The following KCNQ5 variants were observed in gnomAD, a reference collection of about 807,000 sequenced individuals.
The protein encoded by KCNQ5 is potassium voltage-gated channel subfamily Q member 5.
In KCNQ5, 30 loss-of-function variants were observed where a neutral mutation model predicts 98.2. The observed-to-expected ratio is 0.31, with a 90% CI of 0.23 to 0.41. The LOEUF is 0.41. Ranked by LOEUF, KCNQ5 falls within the 10% of genes least tolerant of loss-of-function variation. The pLI is 1.00. For missense variants in KCNQ5, 835 were observed against 1,182.5 expected, an observed-to-expected ratio of 0.71 and a Z score of 4.31; for synonymous variants, 458 against 449.4, an observed-to-expected ratio of 1.02 and a Z score of -0.24.
chr6:72,854,577 G>A (rs1009174822), intron 1 of KCNQ5, among the ~76,000 whole-genome samples: 2 of 151,730 alleles, frequency 1.3e-5, no homozygotes, highest in African/African-American at 4.8e-5. Context: ...ATAAGTGTGA[G>A]GATATGTTAA....
chr6:72,671,488 T>C (rs1019634686), intron 1 of KCNQ5, among the ~76,000 whole-genome samples: 2 of 152,238 alleles, frequency 1.3e-5, no homozygotes, highest in African/African-American at 4.8e-5. Context: ...TGGTTTTTAC[T>C]TGAGTCTTGT....
rs9442857 is a variant in KCNQ5 at position 72,824,620 on chromosome 6, A to G, written c.399-179288A>G. 9.7e-3 allele frequency among the ~76,000 whole-genome samples: 1,484 copies of G among 152,216 alleles called. 25 individuals are homozygous for G. Among genetic ancestry groups the G allele is most frequent in the African/African-American group, 0.032 (1,317 of 41,528 alleles). On this transcript the variant is annotated intron_variant, in intron 1 of 13. Transcript: ENST00000370398. ...GTCATGTACTTTGCAGCCTAATGAT[A>G]AGGAGAAAAATAACCTCAGAAGAGT... is the stretch of plus-strand genomic sequence containing the variant.
At chr6:73,125,943 A>G (rs576175546) in intron 9 of KCNQ5, among the ~76,000 whole-genome samples, 4 of 152,232 alleles carry the variant, frequency 2.6e-5, no homozygotes, top group Non-Finnish European at 4.4e-5. Flanking sequence ...GGTTCTAGTC[A>G]TTAGATTCGG....
intron 3 of KCNQ5, among the ~76,000 whole-genome samples, chr6:73,063,744 TAG>T (rs1554203640): frequency 6.7e-6 from 1 of 148,586 alleles, no homozygotes; most frequent in East Asian, 2.0e-4. Flanking sequence ...GATAGATAGA[TAG>T]ATAGATAGAT....
intron 1 of KCNQ5, among the ~76,000 whole-genome samples, chr6:72,840,458 A>C (rs992014589): frequency 5.3e-5 from 8 of 152,112 alleles, no homozygotes; most frequent in African/African-American, 1.9e-4. Flanking sequence ...TCCTTTATGA[A>C]GTTCCCCAGC....
intron 1 of KCNQ5, among the ~76,000 whole-genome samples, chr6:72,706,581 A>G (rs1582145223): frequency 6.6e-6 from 1 of 152,202 alleles, no homozygotes; most frequent in East Asian, 1.9e-4. Context: ...TCACTTCTCG[A>G]TATTGGCTTA....
At chr6:72,943,338 C>T (rs1766394767) in intron 1 of KCNQ5, among the ~76,000 whole-genome samples, 1 of 152,148 alleles carries the variant, frequency 6.6e-6, no homozygotes, top group Admixed American at 6.5e-5. Flanking sequence ...GAATGCAAAG[C>T]TGGTCTCTCT....
Position 72,809,005 on chromosome 6 carries a change from C to T in KCNQ5, c.398+186418C>T, listed in dbSNP as rs62412467. On this transcript the variant is annotated intron_variant, in intron 1 of 13. Transcript: ENST00000370398. ...TGGAACCAACCCAAATGTCCAACAA[C>T]GATAGACTGGATTAAGAAAATGTGG... is the stretch of plus-strand genomic sequence containing the variant. Among the ~76,000 whole-genome samples the T allele has an allele frequency of 9.5e-4, 144 of 150,862 alleles. No homozygotes were observed. In the Middle Eastern group the frequency reaches 0.01, roughly 11 times the overall value.
At chr6:73,043,171 G>T in intron 3 of KCNQ5, 1 of 447,460 alleles carries the variant, frequency 2.2e-6, no homozygotes, top group Non-Finnish European at 4.7e-6. Flanking sequence ...ACCATCCATG[G>T]GCACTGTTAA....
intron 2 of KCNQ5, among the ~76,000 whole-genome samples, chr6:73,034,902 G>C (rs954657140): frequency 7.1e-6 from 1 of 141,086 alleles, no homozygotes; most frequent in Non-Finnish European, 1.5e-5. Flanking sequence ...CTGGAGTGCA[G>C]TGGCATGATC....
intron 1 of KCNQ5, among the ~76,000 whole-genome samples, chr6:72,931,081 G>T (rs1008441322): frequency 3.3e-5 from 5 of 152,044 alleles, no homozygotes; most frequent in African/African-American, 1.2e-4. Context: ...TTAGATATTT[G>T]TCTGGTCCTT....
At chr6:72,773,578 G>A (rs550391220) in intron 1 of KCNQ5, among the ~76,000 whole-genome samples, 10 of 152,208 alleles carry the variant, frequency 6.6e-5, no homozygotes, top group South Asian at 6.2e-4. Context: ...TTCTGCACAT[G>A]TATCCCAGAA....
chr6:72,905,434 G>A (rs1779661858), intron 1 of KCNQ5, among the ~76,000 whole-genome samples: 1 of 152,104 alleles, frequency 6.6e-6, no homozygotes, highest in African/African-American at 2.4e-5. Context: ...GATTTTGCGG[G>A]GGCATGTTAA....
intron 1 of KCNQ5, among the ~76,000 whole-genome samples, chr6:72,626,482 G>A (rs1209872707): frequency 6.6e-6 from 1 of 152,200 alleles, no homozygotes. Flanking sequence ...CCAATCTGTT[G>A]GATAGATTCT....
intron 8 of KCNQ5, 96 bp downstream of exon 8, chr6:73,120,673 G>T (rs1453855864): frequency 7.1e-6 from 5 of 705,216 alleles, no homozygotes; most frequent in Admixed American, 5.3e-5. Context: ...GTTAATGTTT[G>T]GCTTCTCTTA....
At chr6:73,098,101 GAA>G (rs975642032) in intron 5 of KCNQ5, among the ~76,000 whole-genome samples, 9 of 151,968 alleles carry the variant, frequency 5.9e-5, no homozygotes, top group African/African-American at 2.2e-4. Flanking sequence ...GAATCAAGCA[GAA>G]AATCTGGAGG....
In KCNQ5 at chr6:72,654,718, T is replaced by A. The variant is rs530028131; in HGVS notation, c.398+32131T>A. Among the ~76,000 whole-genome samples, 6 of 152,178 alleles carry A rather than the reference T, an allele frequency of 3.9e-5. No individual in the cohort carries two copies. The East Asian group carries it at 9.6e-4, about 24-fold the overall frequency. On this transcript the variant is annotated intron_variant, in intron 1 of 13. Transcript: ENST00000370398. ...TAGAGCTTAAGATCATTCTTATATG[T>A]TTCAGTAACAGAAAATGAAGATAAA...
chr6:72,721,379 CA>C (rs1769951168), intron 1 of KCNQ5, among the ~76,000 whole-genome samples: 1 of 151,964 alleles, frequency 6.6e-6, no homozygotes, highest in Non-Finnish European at 1.5e-5. Flanking sequence ...AGTGTGTAAA[CA>C]AGCTTAAAAT....
intron 1 of KCNQ5, among the ~76,000 whole-genome samples, chr6:72,763,844 G>GA (rs1159691459): frequency 6.6e-6 from 1 of 151,972 alleles, no homozygotes; most frequent in Non-Finnish European, 1.5e-5. Context: ...TTCTCGGGGA[G>GA]AAAAAACCTG....
Sources: allele counts gnomAD v4.1 joint callset (sites outside exome capture counted in the v4.1 genomes callset), GRCh38; gene constraint gnomAD v4.1.1; transcripts MANE v1.5; gene names NCBI Gene and HGNC (gene_info 2026-07-23, HGNC 2026-07-21).